CLTCL1: variants seen among roughly 807,000 people sequenced by gnomAD.
CLTCL1 encodes clathrin heavy chain like 1, also known as clathrin heavy chain 2.
CLTCL1 carries 159 observed loss-of-function variants against 190.0 expected under a neutral mutation model. The ratio of observed to expected loss-of-function variants is 0.84; its 90% CI spans 0.74 to 0.95. The LOEUF is 0.95. Among genes scored for constraint, CLTCL1 ranks in the 40% least tolerant of loss-of-function variants. The pLI, the probability that CLTCL1 is intolerant of heterozygous loss-of-function variation, is 0.00. For synonymous variants in CLTCL1, 752 were observed against 769.6 expected (o/e 0.98, Z 0.38); for missense variants, 1,878 against 2,033.4 (o/e 0.92, Z 1.47).
intron 27 of CLTCL1, among the ~76,000 whole-genome samples, 155 bp downstream of exon 27, chr22:19,191,149 C>G (rs1395150071): frequency 6.6e-6 from 1 of 152,188 alleles, no homozygotes; most frequent in Non-Finnish European, 1.5e-5. Flanking sequence ...GGGAGGTATT[C>G]CTGTATCTGA....
chr22:19,254,488 T>C (rs1241766093), intron 2 of CLTCL1, among the ~76,000 whole-genome samples: 1 of 152,222 alleles, frequency 6.6e-6, no homozygotes, highest in Non-Finnish European at 1.5e-5. Flanking sequence ...TGAATAACAA[T>C]GAGAAATTAG....
intron 26 of CLTCL1, among the ~76,000 whole-genome samples, chr22:19,193,164 C>T (rs549247019): frequency 5.9e-5 from 9 of 152,342 alleles, no homozygotes; most frequent in East Asian, 1.9e-4. Context: ...AGGTATCACG[C>T]GAGTGGACAG....
intron 3 of CLTCL1, among the ~76,000 whole-genome samples, chr22:19,250,772 T>C (rs1555969700): frequency 6.6e-6 from 1 of 152,128 alleles, no homozygotes; most frequent in Non-Finnish European, 1.5e-5. Context: ...TAGGCTGGTC[T>C]CGAACTCCTG....
intron 2 of CLTCL1, chr22:19,257,852 C>T: frequency 7.1e-7 from 1 of 1,416,848 alleles, no homozygotes. Context: ...GGCTGGAGAG[C>T]AAAAACCGGG....
chr22:19,247,108 C>T (rs1328077187), intron 3 of CLTCL1, among the ~76,000 whole-genome samples: 1 of 152,130 alleles, frequency 6.6e-6, no homozygotes, highest in East Asian at 1.9e-4. Context: ...ATGTTTTCTT[C>T]TAAGAGTTTT....
Position 19,250,954 on chromosome 22 carries a change from CT to C in CLTCL1, c.519+3004del, listed in dbSNP as rs2086573793. Among the ~76,000 whole-genome samples the C allele has an allele frequency of 3.3e-5, 5 of 152,108 alleles. No individual in the cohort carries two copies. The South Asian group carries it at 1.0e-3, about 31-fold the overall frequency. ...TTGTTTTATGGTTGTTTTGGCTATT[CT>C]GGGTTCCTTGCAATTCCACATAAAT... On this transcript the variant is annotated intron_variant, in intron 3 of 32. Transcript: ENST00000427926.
intron 26 of CLTCL1, among the ~76,000 whole-genome samples, chr22:19,194,117 TAC>T (rs2084615323): frequency 6.6e-6 from 1 of 152,152 alleles, no homozygotes; most frequent in Non-Finnish European, 1.5e-5. Flanking sequence ...GTACGTTTTT[TAC>T]AGAGTGCTGA....
chr22:19,195,958 C>A (rs570783318), intron 26 of CLTCL1, among the ~76,000 whole-genome samples: 2 of 152,126 alleles, frequency 1.3e-5, no homozygotes, highest in East Asian at 3.9e-4. Context: ...GGCCTGGCCA[C>A]AAGGGCGTGG....
intron 29 of CLTCL1, among the ~76,000 whole-genome samples, chr22:19,186,666 T>C (rs2084325673): frequency 6.6e-6 from 1 of 152,016 alleles, no homozygotes; most frequent in African/African-American, 2.4e-5. Context: ...AGTGGCGTGA[T>C]CTCCGCTCAC....
At chr22:19,220,665 GGCGTGCACAC>G (rs1446314173) in intron 17 of CLTCL1, among the ~76,000 whole-genome samples, 1 of 152,190 alleles carries the variant, frequency 6.6e-6, no homozygotes, top group Non-Finnish European at 1.5e-5. Context: ...AAGGCTGAGC[GGCGTGCACAC>G]GTGCTTGCGG....
intron 11 of CLTCL1, among the ~76,000 whole-genome samples, chr22:19,228,634 G>T (rs376051446): frequency 6.6e-6 from 1 of 152,102 alleles, no homozygotes; most frequent in African/African-American, 2.4e-5. Context: ...TTAATATGTT[G>T]TTTCCTAATT....
intron 31 of CLTCL1, 119 bp from the exon 32 acceptor site, chr22:19,180,357 C>T: frequency 9.1e-7 from 1 of 1,103,216 alleles, no homozygotes; most frequent in South Asian, 1.3e-5. Context: ...CCACAGTGTC[C>T]AAGCACCCCA....
At chr22:19,243,778 A>G (rs1259263083) in intron 3 of CLTCL1, among the ~76,000 whole-genome samples, 2 of 147,728 alleles carry the variant, frequency 1.4e-5, no homozygotes, top group Admixed American at 6.9e-5. Flanking sequence ...GCTCACTGCA[A>G]GCTTCGCCTC....
rs200120774 is a variant in CLTCL1 at position 19,254,102 on chromosome 22, C to T, written c.376G>A (p.Ala126Thr). 6.4e-5 allele frequency: 104 copies of T among 1,613,082 alleles called. No individual in the cohort carries two copies. Among genetic ancestry groups the T allele is most frequent in the South Asian group, 3.0e-4 (27 of 90,944 alleles). ...VNTVALVTET[A>T]VYHWSMEGDS... Reference sequence around the variant, plus strand: ...CCTTCCATGCTCCAGTGGTAGACCGCGGTCTCGGTCACCAAGGCAACAGTG... The same window carrying T: ...CCTTCCATGCTCCAGTGGTAGACCGTGGTCTCGGTCACCAAGGCAACAGTG... The change falls in exon 3 of 33, where the codon GCG becomes ACG. Residue 126 changes from alanine to threonine, a missense_variant. By Grantham distance (58) the Ala-to-Thr change is moderately conservative. Transcript: ENST00000427926.
chr22:19,233,701 C>T (rs1555960473), intron 7 of CLTCL1, 79 bp from the exon 8 acceptor site: 22 of 1,327,504 alleles, frequency 1.7e-5, no homozygotes, highest in Non-Finnish European at 2.2e-5. Flanking sequence ...TATGTAAAAA[C>T]AAAAATCTGC....
At chr22:19,189,730 A>G (rs2084428525) in intron 27 of CLTCL1, among the ~76,000 whole-genome samples, 1 of 152,194 alleles carries the variant, frequency 6.6e-6, no homozygotes, top group Non-Finnish European at 1.5e-5. Context: ...TAATATATGG[A>G]TATTTTCCTT....
intron 2 of CLTCL1, among the ~76,000 whole-genome samples, chr22:19,262,623 C>T (rs1393641936): frequency 1.2e-5 from 1 of 80,818 alleles, no homozygotes; most frequent in African/African-American, 5.5e-5. Context: ...CAGGGTAAGA[C>T]TCTGTCTCAA....
At chr22:19,254,804 A>T (rs549617288) in intron 2 of CLTCL1, among the ~76,000 whole-genome samples, 1 of 152,354 alleles carries the variant, frequency 6.6e-6, no homozygotes, top group East Asian at 1.9e-4. Context: ...TCAGGAACTG[A>T]ATTTATACTT....
chr22:19,270,854 G>A (rs914587597), intron 2 of CLTCL1, among the ~76,000 whole-genome samples: 9 of 151,380 alleles, frequency 5.9e-5, no homozygotes, highest in African/African-American at 2.2e-4. Context: ...TGTCAGGATG[G>A]GGGTACCTTT....
Sources: gnomAD v4.1 joint callset for allele counts (sites outside exome capture counted in the v4.1 genomes callset) on GRCh38, gnomAD v4.1.1 for gene constraint, MANE v1.5 for transcripts, NCBI Gene and HGNC (gene_info 2026-07-23, HGNC 2026-07-21) for gene names.